SELENOO: variants seen among roughly 807,000 people sequenced by gnomAD.
SELENOO encodes the protein selenoprotein O.
A neutral mutation model predicts 58.7 loss-of-function variants in SELENOO; 74 were observed. That is an observed-to-expected ratio of 1.26 (90% CI 1.04 to 1.53). SELENOO has a LOEUF of 1.53. Ranked by LOEUF, SELENOO falls within the 40% of genes most tolerant of loss-of-function variation. The pLI is 0.00. For missense variants in SELENOO, 1,149 were observed against 970.0 expected (o/e 1.18, Z -2.45); for synonymous variants, 543 against 453.2 (o/e 1.20, Z -2.52).
rs2064363304 is a variant in SELENOO, at chr22:50,210,636, AC to A, written c.1080del (p.Asp361ThrfsTer89). The A allele has an allele frequency of 6.2e-7, 1 of 1,612,652 alleles. No homozygotes were observed. The highest frequency in any genetic ancestry group is 1.3e-5 in the African/African-American group (1 of 74,982). The stretch of plus-strand genomic sequence containing the variant: ...TCTCTTGCCCCGTGTGGCAGGTACG[AC>A]CCCGACCACGTGTGCAATGCCTCCG... Reference protein sequence around the residue: ...YGPFGFLDRYDPDHVCNASDN... With the variant: ...YGPFGFLDRYXPDHVCNASDN... On this transcript the variant is annotated frameshift_variant, in exon 5 of 9. Transcript: ENST00000380903. LOFTEE classifies it high-confidence loss of function.
rs1390812249 is a variant in SELENOO at position 50,216,848 on chromosome 22, CACTGGGCTG to C, written c.1666_1674del (p.Ala556_Trp558del). The C allele has an allele frequency of 6.2e-7, 1 of 1,608,428 alleles. No homozygotes were observed. Among genetic ancestry groups the C allele is most frequent in the Non-Finnish European group, 8.5e-7 (1 of 1,179,896 alleles). On this transcript the variant is annotated inframe_deletion, in exon 7 of 9. Coordinates refer to ENST00000380903, the MANE Select transcript of SELENOO (RefSeq NM_031454.2). ...AGAGCTGCAGAGCAGGAACCAGGGC[CACTGGGCTG>C]ACTGGCTACAGGCGTACAGGTGAGC...
At chr22:50,203,858 C>T (rs2064316647) in intron 1 of SELENOO, among the ~76,000 whole-genome samples, 1 of 152,144 alleles carries the variant, frequency 6.6e-6, no homozygotes, top group Non-Finnish European at 1.5e-5. Flanking sequence ...TTCATGAACA[C>T]TTTAAAAATT....
intron 5 of SELENOO, among the ~76,000 whole-genome samples, chr22:50,214,342 G>A (rs4293651): frequency 0.022 from 3,287 of 152,246 alleles, 56 homozygotes; most frequent in South Asian, 0.068. Flanking sequence ...TTCTCTGGCC[G>A]GGCATGGTGG....
intron 6 of SELENOO, 31 bp from the exon 7 acceptor site, chr22:50,216,660 C>T (rs777846575): frequency 1.3e-6 from 2 of 1,545,790 alleles, no homozygotes; most frequent in Middle Eastern, 2.2e-4. Context: ...CGGTCAGGGG[C>T]TACCTCCCAG....
In SELENOO at chr22:50,215,634, G is replaced by A. The variant is rs1602496496; in HGVS notation, c.1352-83G>A. The A allele has an allele frequency of 5.7e-6, 6 of 1,046,044 alleles. No homozygotes were observed. The Admixed American group carries it at 8.6e-5, about 15-fold the overall frequency. The allele number at this position is 1,046,044 out of a possible 1,614,324, so 64.8% of individuals were successfully genotyped here. On this transcript the variant is annotated intron_variant, in intron 5 of 8. Transcript: ENST00000380903. ...TCCATGCAGCACCTGTGCCAGGGGGGTGGGGGGGGGGGGGTCTGTGTGGCA... is the reference window on the plus strand; with the variant it reads ...TCCATGCAGCACCTGTGCCAGGGGGATGGGGGGGGGGGGGTCTGTGTGGCA...
chr22:50,201,052 G>A lies in SELENOO; in HGVS notation c.16G>A (p.Ala6Thr), dbSNP rs1271777927. The A allele has an allele frequency of 4.5e-6, 6 of 1,342,716 alleles. No homozygotes were observed. Among genetic ancestry groups the A allele is most frequent in the South Asian group, 1.9e-5 (1 of 53,384 alleles). The allele number at this position is 1,342,716 out of a possible 1,614,324, so 83.2% of individuals were successfully genotyped here. The change falls in exon 1 of 9, where the codon GCA becomes ACA. Residue 6 changes from alanine (A) to threonine (T), a missense_variant. Transcript: ENST00000380903. MAVYR[A>T]ALGASLAAAR... The stretch of plus-strand genomic sequence containing the variant: ...GGGGCCGCGGATGGCCGTATACAGG[G>A]CAGCGCTCGGGGCTTCGCTCGCGGC...
chr22:50,204,312 CAG>C (rs978412733), intron 1 of SELENOO, among the ~76,000 whole-genome samples: 33 of 152,070 alleles, frequency 2.2e-4, no homozygotes, highest in African/African-American at 8.0e-4. Flanking sequence ...GCCTGGGCGA[CAG>C]GGCAAGACTG....
intron 3 of SELENOO, among the ~76,000 whole-genome samples, chr22:50,209,794 G>A (rs140144566): frequency 6.6e-6 from 1 of 152,084 alleles, no homozygotes. Context: ...TGTCTGGTTG[G>A]GGGGGGCCAG....
In SELENOO at chr22:50,201,049, A is replaced by G. The variant is rs1364112039; in HGVS notation, c.13A>G (p.Arg5Gly). The G allele has an allele frequency of 1.1e-5, 14 of 1,321,976 alleles. No individual in the cohort carries two copies. The highest frequency in any genetic ancestry group is 6.2e-5 in the African/African-American group (4 of 64,516). The allele number at this position is 1,321,976 out of a possible 1,614,324, so 81.9% of individuals were successfully genotyped here. MAVYRAALGASLAAA... is the reference protein window; with the variant it reads MAVYGAALGASLAAA... ...AGCGGGGCCGCGGATGGCCGTATAC[A>G]GGGCAGCGCTCGGGGCTTCGCTCGC... Residue 5 changes from arginine (R) to glycine (G), a missense_variant, in exon 1 of 9, where the codon AGG becomes GGG. Physicochemically the swap from Arg to Gly is moderately radical, Grantham distance 125. Transcript: ENST00000380903.
intron 1 of SELENOO, among the ~76,000 whole-genome samples, chr22:50,203,842 CAA>C (rs754137731): frequency 3.5e-4 from 54 of 152,266 alleles, no homozygotes; most frequent in Non-Finnish European, 4.6e-4. Flanking sequence ...AACAGGCAAA[CAA>C]GACTTCATGA....
At chr22:50,211,865 G>A (rs1348125008) in intron 5 of SELENOO, among the ~76,000 whole-genome samples, 3 of 152,092 alleles carry the variant, frequency 2.0e-5, no homozygotes, top group African/African-American at 4.8e-5. Context: ...CACCACACCC[G>A]GCTAATTTTG....
rs551904773 is a variant in SELENOO, at chr22:50,204,945, C to T, written c.555-1372C>T. Among the ~76,000 whole-genome samples, 13 of 152,350 alleles carry T rather than the reference C, an allele frequency of 8.5e-5. No individual in the cohort carries two copies. In the South Asian group the frequency reaches 1.9e-3, roughly 22 times the overall value. On this transcript the variant is annotated intron_variant, in intron 1 of 8. Coordinates refer to ENST00000380903, the MANE Select transcript of SELENOO (RefSeq NM_031454.2). ...AAGAAGATGCTGATATGCTACAACACGGATGAACCTGGAGGACGTGGTGCA... is the reference window on the plus strand; with the variant it reads ...AAGAAGATGCTGATATGCTACAACATGGATGAACCTGGAGGACGTGGTGCA...
At chr22:50,201,711 C>A in intron 1 of SELENOO, 121 bp downstream of exon 1, 2 of 689,264 alleles carry the variant, frequency 2.9e-6, no homozygotes, top group Non-Finnish European at 4.0e-6. Context: ...CCCCTGCACC[C>A]GCGGGAGCGC....
intron 5 of SELENOO, among the ~76,000 whole-genome samples, chr22:50,212,667 C>T (rs1384950281): frequency 6.7e-6 from 1 of 149,360 alleles, no homozygotes; most frequent in Non-Finnish European, 1.5e-5. Flanking sequence ...GTGAACCTGA[C>T]TGCTCTAAAC....
intron 1 of SELENOO, among the ~76,000 whole-genome samples, chr22:50,203,208 C>T (rs960821088): frequency 1.3e-5 from 2 of 152,040 alleles, no homozygotes; most frequent in African/African-American, 4.8e-5. Flanking sequence ...CCTGTCTCTT[C>T]AAAAAAATAT....
chr22:50,207,724 T>G (rs557924438), intron 2 of SELENOO, among the ~76,000 whole-genome samples: 1 of 144,594 alleles, frequency 6.9e-6, no homozygotes, highest in African/African-American at 2.6e-5. Flanking sequence ...GTAACCCCAG[T>G]TGTGACAACG....
At position 50,201,546 on chromosome 22, in the gene SELENOO, C is replaced by G; in HGVS notation, c.510C>G (p.Arg170=). Residue 170 remains arginine, a synonymous_variant, in exon 1 of 9, where the codon CGC becomes CGG. Coordinates refer to ENST00000380903, the MANE Select transcript of SELENOO (RefSeq NM_031454.2). ...AGGTGTGCACGGCGACCGGCGAGCG[C>G]TGGGAGCTGCAGCTCAAGGGCGCCG... The part of the protein sequence containing the change: ...LGEVCTATGE[R]WELQLKGAGP... The G allele has an allele frequency of 7.2e-7, 1 of 1,388,562 alleles. No homozygotes were observed. The highest frequency in any genetic ancestry group is 9.4e-7 in the Non-Finnish European group (1 of 1,066,566). 86.0% of individuals were successfully genotyped at this position (1,388,562 alleles called of 1,614,324 possible). A position where few individuals can be genotyped will look rare whatever the true frequency, so the allele number is the denominator to read the frequency against.
rs753944531 is a variant in SELENOO at position 50,208,577 on chromosome 22, CAG to C, written c.801_802del (p.Gly268AlafsTer143). On this transcript the variant is annotated frameshift_variant, in exon 3 of 9. Coordinates refer to ENST00000380903, the MANE Select transcript of SELENOO (RefSeq NM_031454.2). LOFTEE classifies it high-confidence loss of function. ...ATTTTTAAGTCTGCAGATGAGCACA[CAG>C]GGCGTGCAGGCCCCAGCGTGGGGAG... The C allele has an allele frequency of 7.4e-6, 12 of 1,613,830 alleles. 1 individual carries two copies. In the South Asian group the frequency reaches 9.9e-5, roughly 13 times the overall value.
rs778542434 is a variant in SELENOO at position 50,206,324 on chromosome 22, G to A, written c.562G>A (p.Asp188Asn). The change falls in exon 2 of 9, where the codon GAC becomes AAC. Residue 188 changes from aspartate to asparagine, a missense_variant. Coordinates refer to ENST00000380903, the MANE Select transcript of SELENOO (RefSeq NM_031454.2). ...CTCTGTGTTTGGTTTCAGACAGGCC[G>A]ACGGTCGCAAGGTCCTACGGTCAAG... ...AGPTPFSRQA[D>N]GRKVLRSSIR... The A allele has an allele frequency of 1.3e-5, 21 of 1,613,500 alleles. No individual in the cohort carries two copies. Among genetic ancestry groups the A allele is most frequent in the South Asian group, 1.1e-5 (1 of 91,060 alleles).
Sources: gnomAD v4.1 joint callset for allele counts (sites outside exome capture counted in the v4.1 genomes callset) on GRCh38, gnomAD v4.1.1 for gene constraint, MANE v1.5 for transcripts, NCBI Gene and HGNC (gene_info 2026-07-23, HGNC 2026-07-21) for gene names.